TRRAP: variants seen among roughly 807,000 people sequenced by gnomAD.
TRRAP encodes the protein transformation/transcription domain associated protein, also known as transformation/transcription domain-associated protein.
A neutral mutation model predicts 438.8 loss-of-function variants in TRRAP; 41 were observed. The observed-to-expected ratio is 0.09, with a 90% CI of 0.07 to 0.12. TRRAP has a LOEUF of 0.12. Ranked by LOEUF, TRRAP falls within the 10% of genes least tolerant of loss-of-function variation. The pLI is 1.00. For missense variants in TRRAP, 3,122 were observed against 5,055.1 expected (o/e 0.62, Z 11.60); for synonymous variants, 1,994 against 1,962.9 (o/e 1.02, Z -0.42).
In TRRAP at chr7:98,976,556, C is replaced by T. The variant is rs768664533; in HGVS notation, c.8033C>T (p.Ala2678Val). ...HQVQRDCQPS[A>V]LNCFVEAMSQ... ...GTGCAGCGGGACTGCCAGCCCAGCG[C>T]GCTGAACTGCTTTGTGGAAGCCATG... Residue 2678 changes from alanine to valine, a missense_variant, in exon 55 of 73, where the codon GCG (alanine) becomes GTG (valine). Ala to Val is a moderately conservative substitution (Grantham distance 64). Transcript: ENST00000456197. This position sits in a 1 kb window ranked among gnomAD's most constrained non-coding sequence, Gnocchi z 4.6. The T allele has an allele frequency of 3.7e-5, 60 of 1,614,102 alleles. No homozygotes were observed. The highest frequency in any genetic ancestry group is 1.6e-4 in the Middle Eastern group (1 of 6,062).
At chr7:98,969,384 C>G (rs1041847700) in intron 51 of TRRAP, among the ~76,000 whole-genome samples, 2 of 152,220 alleles carry the variant, frequency 1.3e-5, no homozygotes, top group Non-Finnish European at 2.9e-5. Context: ...GGCTAATGTG[C>G]AGCTCCTTTT....
chr7:98,907,084 G>A (rs1796804901), intron 13 of TRRAP, among the ~76,000 whole-genome samples: 1 of 151,960 alleles, frequency 6.6e-6, no homozygotes, highest in Non-Finnish European at 1.5e-5. Flanking sequence ...AGCACTTTGG[G>A]AGGCCGAGGC....
intron 67 of TRRAP, among the ~76,000 whole-genome samples, chr7:99,003,060 C>T (rs1794006737): frequency 1.3e-5 from 2 of 152,178 alleles, no homozygotes; most frequent in Admixed American, 6.5e-5. Context: ...TCCATTTGGG[C>T]TCAGGACGCC....
rs1398402678 is a variant in TRRAP at position 99,005,445 on chromosome 7, C to T, written c.10753+97C>T. 28 of 1,173,812 alleles carry T rather than the reference C, an allele frequency of 2.4e-5. No homozygotes were observed. Among genetic ancestry groups the T allele is most frequent in the Non-Finnish European group, 3.4e-5 (27 of 796,718 alleles). 72.7% of individuals were successfully genotyped at this position (1,173,812 alleles called of 1,614,324 possible). Reference sequence around the variant, plus strand: ...GGGGTGCACAGGCAGCTCACGTTAGCCTTTGAGGGTCCAGCTGCGTCAGCA... The same window carrying T: ...GGGGTGCACAGGCAGCTCACGTTAGTCTTTGAGGGTCCAGCTGCGTCAGCA... On this transcript the variant is annotated intron_variant, in intron 69 of 72. Transcript: ENST00000456197. This position sits in a 1 kb window ranked among gnomAD's most constrained non-coding sequence, Gnocchi z 5.1.
At chr7:98,952,830 G>C (rs1484542516) in intron 39 of TRRAP, among the ~76,000 whole-genome samples, 1 of 152,180 alleles carries the variant, frequency 6.6e-6, no homozygotes, top group Non-Finnish European at 1.5e-5. Context: ...GCCGTCACCT[G>C]TGCAGATCGT....
At chr7:98,888,579 T>G (rs1213909960) in intron 3 of TRRAP, among the ~76,000 whole-genome samples, 2 of 152,230 alleles carry the variant, frequency 1.3e-5, no homozygotes, top group Admixed American at 1.3e-4. Flanking sequence ...TATGCTTCCT[T>G]CTCCATCATG....
At chr7:98,902,923 A>AAG (rs1554406909) in intron 11 of TRRAP, among the ~76,000 whole-genome samples, 34 of 151,374 alleles carry the variant, frequency 2.2e-4, no homozygotes, top group South Asian at 4.2e-4. Context: ...AAAAAAAAAA[A>AAG]AAAGAAAATT....
rs1488662503 is a variant in TRRAP, at chr7:98,910,158, C to G, written c.1453C>G (p.Pro485Ala). The change falls in exon 15 of 73, where the codon CCT (proline) becomes GCT (alanine). Residue 485 changes from proline (P) to alanine (A), a missense_variant. Pro to Ala is a conservative substitution (Grantham distance 27). This residue lies in a region of TRRAP where 115 missense variants were observed against 124.6 expected (regional missense o/e 0.92). Coordinates refer to ENST00000456197, the MANE Select transcript of TRRAP (RefSeq NM_001375524.1). ...ACTTGGAGCCGTGGAAGCAGCTCTG[C>G]CTGGGGTGCCCACTGCCCCTGCAGC... is the stretch of plus-strand genomic sequence containing the variant. ...SELGAVEAAL[P>A]GVPTAPAAPG... is the part of the protein sequence containing the mutation. The G allele has an allele frequency of 6.2e-7, 1 of 1,612,456 alleles. No homozygotes were observed. Among genetic ancestry groups the G allele is most frequent in the African/African-American group, 1.3e-5 (1 of 75,026 alleles).
chr7:99,003,557 C>T (rs1233882400), intron 67 of TRRAP, among the ~76,000 whole-genome samples: 1 of 152,170 alleles, frequency 6.6e-6, no homozygotes, highest in African/African-American at 2.4e-5. Context: ...CCTGTGTCTC[C>T]CAGGGCCCCA....
chr7:98,935,599 T>C lies in TRRAP; in HGVS notation c.4035T>C (p.Ala1345=). Residue 1345 remains alanine, a synonymous_variant, in exon 28 of 73, where the codon GCT becomes GCC. Coordinates refer to ENST00000456197, the MANE Select transcript of TRRAP (RefSeq NM_001375524.1). The stretch of plus-strand genomic sequence containing the variant: ...TGCAGCTGTTGAATTTGTGTGAGGC[T>C]GAAGATTCAGCTTTAACAAAGCTGC... ...FYTELLNLCE[A]EDSALTKLPC... is the part of the protein sequence containing the mutation. The C allele has an allele frequency of 6.2e-7, 1 of 1,602,050 alleles. No individual in the cohort carries two copies. Among genetic ancestry groups the C allele is most frequent in the Non-Finnish European group, 8.5e-7 (1 of 1,169,774 alleles).
rs1307848668 is a variant in TRRAP, at chr7:98,908,688, C to T, written c.1116-40C>T. The T allele has an allele frequency of 1.2e-5, 19 of 1,524,202 alleles. No individual in the cohort carries two copies. Among genetic ancestry groups the T allele is most frequent in the Non-Finnish European group, 1.7e-5 (19 of 1,134,216 alleles). The allele number at this position is 1,524,202 out of a possible 1,614,324, so 94.4% of individuals were successfully genotyped here. A position where few individuals can be genotyped will look rare whatever the true frequency, so the allele number is the denominator to read the frequency against. ...TGGTGGCCTGCTGCAGCAGGCATGG[C>T]CACGTGGGAATGAGCACTAGTCGAG... On this transcript the variant is annotated intron_variant, in intron 13 of 72. Transcript: ENST00000456197. The surrounding 1 kb of genome is among the most constrained non-coding windows in gnomAD (Gnocchi z 4.1).
intron 46 of TRRAP, 52 bp from the exon 47 acceptor site, chr7:98,962,250 T>C (rs1032160043): frequency 2.0e-5 from 32 of 1,612,416 alleles, no homozygotes; most frequent in Non-Finnish European, 1.1e-5. Flanking sequence ...GCATCAGCAC[T>C]GGTGGGCCCA....
At chr7:98,937,963 T>C in intron 30 of TRRAP, 143 bp downstream of exon 30, 2 of 916,706 alleles carry the variant, frequency 2.2e-6, no homozygotes, top group South Asian at 2.3e-5. Flanking sequence ...TCGCTTGCAG[T>C]TGGGAGTTCG....
rs576675889 is a variant in TRRAP, at chr7:98,959,602, C to G, written c.6489+112C>G. Reference sequence around the variant, plus strand: ...GATCACTCTGACCCTTATGCCTAAACCCCAAATCTCCTGTCCCCTTTGCCA... The same window carrying G: ...GATCACTCTGACCCTTATGCCTAAAGCCCAAATCTCCTGTCCCCTTTGCCA... On this transcript the variant is annotated intron_variant, in intron 45 of 72. Coordinates refer to ENST00000456197, the MANE Select transcript of TRRAP (RefSeq NM_001375524.1). 1.2e-5 allele frequency: 18 copies of G among 1,447,724 alleles called. No homozygotes were observed. In the South Asian group the frequency reaches 2.3e-4, roughly 19 times the overall value. The allele number at this position is 1,447,724 out of a possible 1,614,324, so 89.7% of individuals were successfully genotyped here.
intron 3 of TRRAP, among the ~76,000 whole-genome samples, chr7:98,887,745 A>C (rs964314542): frequency 8.6e-6 from 1 of 116,942 alleles, no homozygotes; most frequent in African/African-American, 9.4e-5. Context: ...AAAAAAAAAA[A>C]AAAAACTGCA....
chr7:98,910,218 G>GCCCCCCCCCCCCCCCCCCCCCCCCCCCC lies in TRRAP; in HGVS notation c.1517_1518insCCCCCCCCCCCCCCCCCCCCCCCCCCCC (p.Ala516ThrfsTer66). On this transcript the variant is annotated frameshift_variant, in exon 15 of 73. Transcript: ENST00000456197. LOFTEE classifies it high-confidence loss of function. ...TGCTCCCTCCCCAGCCCCTGTCCCT[G>GCCCCCCCCCCCCCCCCCCCCCCCCCCCC]CCCCACCTCCACCCCCGCCCCCACC... is the stretch of plus-strand genomic sequence containing the variant. 25 of 1,377,628 alleles carry GCCCCCCCCCCCCCCCCCCCCCCCCCCCC rather than the reference G, an allele frequency of 1.8e-5. No individual in the cohort carries two copies. Among genetic ancestry groups the GCCCCCCCCCCCCCCCCCCCCCCCCCCCC allele is most frequent in the South Asian group, 1.0e-4 (6 of 59,006 alleles). The allele number at this position is 1,377,628 out of a possible 1,614,324, so 85.3% of individuals were successfully genotyped here.
intron 27 of TRRAP, among the ~76,000 whole-genome samples, chr7:98,933,890 C>T (rs1287946705): frequency 6.6e-6 from 1 of 152,200 alleles, no homozygotes; most frequent in East Asian, 1.9e-4. Context: ...GAAACTGAGG[C>T]TTAGAGTTTG....
At position 99,011,523 on chromosome 7, in the gene TRRAP, G is replaced by C. The variant is rs1794423494; in HGVS notation, c.11325G>C (p.Gln3775His). 1 of 1,613,678 alleles carries C rather than the reference G, an allele frequency of 6.2e-7. No individual in the cohort carries two copies. The highest frequency in any genetic ancestry group is 1.1e-5 in the South Asian group (1 of 91,046). The change falls in exon 72 of 73, where the codon CAG becomes CAC. Residue 3775 changes from glutamine (Q) to histidine (H), a missense_variant. This residue lies in a region of TRRAP where 192 missense variants were observed against 355.6 expected (regional missense o/e 0.54). Coordinates refer to ENST00000456197, the MANE Select transcript of TRRAP (RefSeq NM_001375524.1). This position sits in a 1 kb window ranked among gnomAD's most constrained non-coding sequence, Gnocchi z 7.1. ...SMIAVARCFA[Q>H]PNFKVDGILK... ...TTGCGGTCGCCCGGTGCTTCGCCCA[G>C]CCAAACTTTAAGGTGGGTCTCCACG...
intron 19 of TRRAP, among the ~76,000 whole-genome samples, chr7:98,916,873 G>A (rs546965698): frequency 2.4e-4 from 37 of 152,168 alleles, no homozygotes; most frequent in Admixed American, 1.9e-3. Flanking sequence ...CTGAGTTCTC[G>A]TCCTTCATCC....
Sources: gnomAD v4.1 joint callset for allele counts (sites outside exome capture counted in the v4.1 genomes callset) on GRCh38, gnomAD v4.1.1 for gene constraint, gnomAD v4.1.1 regional missense constraint, Gnocchi (gnomAD v3.1) non-coding constraint, MANE v1.5 for transcripts, NCBI Gene and HGNC (gene_info 2026-07-23, HGNC 2026-07-21) for gene names.